The following PCDHGA5 variants were observed in gnomAD, a reference collection of about 807,000 sequenced individuals.
PCDHGA5 encodes protocadherin gamma-A5.
In PCDHGA5, 36 loss-of-function variants were observed where a neutral mutation model predicts 56.7. The ratio of observed to expected loss-of-function variants is 0.64; its 90% CI spans 0.49 to 0.84. The LOEUF (loss-of-function observed/expected upper bound fraction) is 0.84, where lower values mean the gene tolerates loss of function less well. Among genes scored for constraint, PCDHGA5 ranks in the 40% least tolerant of loss-of-function variants. The pLI is 0.00. For synonymous variants in PCDHGA5, 563 were observed against 520.2 expected (o/e 1.08, Z -1.12); for missense variants, 1,305 against 1,201.5 (o/e 1.09, Z -1.27).
intron 2 of PCDHGA5, among the ~76,000 whole-genome samples, chr5:141,497,264 A>G (rs2154592078): frequency 6.6e-6 from 1 of 152,258 alleles, no homozygotes; most frequent in East Asian, 1.9e-4. Flanking sequence ...GAGAAGTTCT[A>G]GGCCATTTAT....
At chr5:141,400,740 G>T in intron 1 of PCDHGA5, 1 of 616,766 alleles carries the variant, frequency 1.6e-6, no homozygotes, top group Non-Finnish European at 2.8e-6. Context: ...GTGAGAGTTT[G>T]CTCTTAGCTT....
Position 141,485,739 on chromosome 5 carries a change from G to A in PCDHGA5, c.2422-9068G>A. 6.2e-7 allele frequency: 1 copy of A among 1,614,234 alleles called. No individual in the cohort carries two copies. Among genetic ancestry groups the A allele is most frequent in the Non-Finnish European group, 8.5e-7 (1 of 1,180,042 alleles). ...GATGTGAAGAAGCGCAGCGACGGCA[G>A]CCTGGTCCCAGAGCTGCTCCTGGAG... On this transcript the variant is annotated intron_variant, in intron 1 of 3. Transcript: ENST00000518069. The surrounding 1 kb of genome is among the most constrained non-coding windows in gnomAD (Gnocchi z 5.7).
intron 1 of PCDHGA5, among the ~76,000 whole-genome samples, chr5:141,437,716 C>T (rs575174227): frequency 1.2e-4 from 18 of 151,782 alleles, no homozygotes; most frequent in Admixed American, 1.0e-3. Flanking sequence ...CACAGTTACC[C>T]TCTAATGTTA....
At chr5:141,403,631 C>T (rs751580878) in intron 1 of PCDHGA5, 8 of 1,613,912 alleles carry the variant, frequency 5.0e-6, no homozygotes, top group South Asian at 2.2e-5. Context: ...CAGCACAGTG[C>T]GCATCCATGT....
intron 1 of PCDHGA5, chr5:141,402,911 C>T: frequency 1.3e-6 from 2 of 1,551,976 alleles, no homozygotes; most frequent in South Asian, 1.2e-5. Context: ...TGAAGCAGCG[C>T]GCACAGAGAT....
At chr5:141,370,989 C>A in intron 1 of PCDHGA5, 2 of 1,613,982 alleles carry the variant, frequency 1.2e-6, no homozygotes, top group East Asian at 2.2e-5. Flanking sequence ...ACTGAAAGCA[C>A]CCCTGGACAG....
chr5:141,371,362 A>G (rs1767701466), intron 1 of PCDHGA5: 1 of 1,614,014 alleles, frequency 6.2e-7, no homozygotes, highest in Non-Finnish European at 8.5e-7. Context: ...GAAGCAAAGG[A>G]TGGTGGACAT....
intron 1 of PCDHGA5, chr5:141,404,921 A>G: frequency 6.2e-7 from 1 of 1,613,804 alleles, no homozygotes; most frequent in South Asian, 1.1e-5. Context: ...TCTCTCGGCC[A>G]CTGTCACGCT....
intron 1 of PCDHGA5, among the ~76,000 whole-genome samples, chr5:141,450,666 T>G (rs1434496607): frequency 6.6e-6 from 1 of 151,890 alleles, no homozygotes; most frequent in African/African-American, 2.4e-5. Context: ...TTTGTACTTT[T>G]AGTAGAAACG....
In PCDHGA5 at chr5:141,399,858, T is replaced by G. The variant is rs1003401029; in HGVS notation, c.2421+33107T>G. On this transcript the variant is annotated intron_variant, in intron 1 of 3. Transcript: ENST00000518069. The stretch of plus-strand genomic sequence containing the variant: ...CGCTCTTCGATATGGTGCCGCGCGC[T>G]GCAGAGCCCGGCTACCTGGTGACCA... The G allele has an allele frequency of 3.7e-6, 6 of 1,612,764 alleles. No individual in the cohort carries two copies. In the African/African-American group the frequency reaches 6.7e-5, roughly 18 times the overall value.
chr5:141,494,742 G>A (rs1223104681), intron 1 of PCDHGA5, 65 bp from the exon 2 acceptor site: 10 of 1,611,946 alleles, frequency 6.2e-6, no homozygotes, highest in Non-Finnish European at 8.5e-6. Context: ...CCCATCCCTA[G>A]GGGCTCGGGT....
chr5:141,389,314 C>T (rs2091698838), intron 1 of PCDHGA5: 2 of 1,613,880 alleles, frequency 1.2e-6, no homozygotes, highest in Non-Finnish European at 8.5e-7. Context: ...GCTTCTGATC[C>T]GGACTTGGGG....
chr5:141,431,976 C>T lies in PCDHGA5; in HGVS notation c.2422-62831C>T, dbSNP rs2097433306. ...TACGGAAATTACTATAGTTTAGTCACAGACATAGTCTTGGATAGGGAACAG... is the reference window on the plus strand; with the variant it reads ...TACGGAAATTACTATAGTTTAGTCATAGACATAGTCTTGGATAGGGAACAG... On this transcript the variant is annotated intron_variant, in intron 1 of 3. Transcript: ENST00000518069. This position sits in a 1 kb window ranked among gnomAD's most constrained non-coding sequence, Gnocchi z 4.8. 6.2e-7 allele frequency: 1 copy of T among 1,614,078 alleles called. No individual in the cohort carries two copies. The highest frequency in any genetic ancestry group is 1.3e-5 in the African/African-American group (1 of 74,934).
intron 1 of PCDHGA5, chr5:141,423,620 C>G: frequency 6.2e-7 from 1 of 1,608,268 alleles, no homozygotes; most frequent in Non-Finnish European, 8.5e-7. Flanking sequence ...GCTGAAGACT[C>G]AGCTATCATT....
chr5:141,382,964 C>A (rs373652237), intron 1 of PCDHGA5: 1 of 1,608,238 alleles, frequency 6.2e-7, no homozygotes. Context: ...CTCCTGGGGA[C>A]CCCCTGGGAA....
chr5:141,500,184 T>TTTTATTTATTTATTTATTTA (rs58019021), intron 2 of PCDHGA5, among the ~76,000 whole-genome samples: 1 of 135,886 alleles, frequency 7.4e-6, no homozygotes, highest in African/African-American at 2.7e-5. Flanking sequence ...TCATTTTTAT[T>TTTTATTTATTTATTTATTTA]TTTATTTATT....
Position 141,491,420 on chromosome 5 carries a change from G to A in PCDHGA5, c.2422-3387G>A, listed in dbSNP as rs2099713954. 1.2e-6 allele frequency: 2 copies of A among 1,614,004 alleles called. No homozygotes were observed. The highest frequency in any genetic ancestry group is 2.2e-5 in the South Asian group (2 of 91,090). On this transcript the variant is annotated intron_variant, in intron 1 of 3. Transcript: ENST00000518069. This position sits in a 1 kb window ranked among gnomAD's most constrained non-coding sequence, Gnocchi z 6.9. ...GGAAACGCAGACGGGGACGGGGGTG[G>A]AGGGCAGTGCTGCAGGCGCCAGGAC...
At chr5:141,413,229 C>A in intron 1 of PCDHGA5, 1 of 1,613,914 alleles carries the variant, frequency 6.2e-7, no homozygotes, top group South Asian at 1.1e-5. Context: ...GCGGGCTGGT[C>A]CTGCTCTGCC....
In PCDHGA5 at chr5:141,419,975, G is replaced by A. The variant is rs372316838; in HGVS notation, c.2421+53224G>A. ...CTTGATTTCTGTGCTCTTTCTCCTC[G>A]CGGTGATTCTAGCTATTGCTCTACG... On this transcript the variant is annotated intron_variant, in intron 1 of 3. Coordinates refer to ENST00000518069, the MANE Select transcript of PCDHGA5 (RefSeq NM_018918.3). 273 of 1,613,928 alleles carry A rather than the reference G, an allele frequency of 1.7e-4. No homozygotes were observed. The highest frequency in any genetic ancestry group is 2.2e-4 in the Non-Finnish European group (261 of 1,179,916).
Sources: allele counts gnomAD v4.1 joint callset (sites outside exome capture counted in the v4.1 genomes callset), GRCh38; gene constraint gnomAD v4.1.1; non-coding constraint Gnocchi (gnomAD v3.1); transcripts MANE v1.5; gene names NCBI Gene and HGNC (gene_info 2026-07-23, HGNC 2026-07-21).